TRPM3: variants seen among roughly 807,000 people sequenced by gnomAD.
The protein encoded by TRPM3 is transient receptor potential cation channel subfamily M member 3.
TRPM3 carries 77 observed loss-of-function variants against 181.2 expected under a neutral mutation model. That is an observed-to-expected ratio of 0.42 (90% CI 0.35 to 0.51). The LOEUF (loss-of-function observed/expected upper bound fraction) is 0.51. Ranked by LOEUF, TRPM3 falls within the 20% of genes least tolerant of loss-of-function variation. TRPM3 has a pLI of 0.01. For synonymous variants in TRPM3, 745 were observed against 796.4 expected (o/e 0.94, Z 1.09); for missense variants, 1,759 against 2,196.7 (o/e 0.80, Z 3.98).
At chr9:70,759,127 G>T (rs1384596445) in intron 8 of TRPM3, among the ~76,000 whole-genome samples, 1 of 151,660 alleles carries the variant, frequency 6.6e-6, no homozygotes, top group Non-Finnish European at 1.5e-5. Flanking sequence ...ACTTAAACAC[G>T]TTTACAAGAA....
At chr9:70,604,700 G>A (rs1273496706) in intron 19 of TRPM3, among the ~76,000 whole-genome samples, 2 of 152,298 alleles carry the variant, frequency 1.3e-5, no homozygotes, top group East Asian at 3.9e-4. Flanking sequence ...CTGGAGTGCA[G>A]TGGCATTGTG....
intron 1 of TRPM3, among the ~76,000 whole-genome samples, chr9:71,394,714 C>T (rs1449415917): frequency 6.6e-6 from 1 of 152,110 alleles, no homozygotes; most frequent in South Asian, 2.1e-4. Flanking sequence ...GTAAAGTTTT[C>T]CCTGGTTGAC....
intron 8 of TRPM3, among the ~76,000 whole-genome samples, chr9:70,698,900 T>G (rs759970898): frequency 6.6e-6 from 1 of 151,486 alleles, no homozygotes; most frequent in African/African-American, 2.4e-5. Context: ...CAGAAGCAGA[T>G]GCTGATATGC....
intron 1 of TRPM3, among the ~76,000 whole-genome samples, chr9:70,921,158 G>A (rs916637524): frequency 6.6e-6 from 1 of 152,050 alleles, no homozygotes; most frequent in Admixed American, 6.6e-5. Context: ...ACAAATGACT[G>A]TTCTTCTCTA....
In TRPM3 at chr9:71,271,505, C is replaced by T. The variant is rs903003319; in HGVS notation, c.183+175148G>A. The stretch of plus-strand genomic sequence containing the variant: ...AGGAGGTCGGGTACTCATATAAATC[C>T]CTTTCTCAACCTGTGTGGTGGCTCA... On this transcript the variant is annotated intron_variant, in intron 1 of 24. Transcript: ENST00000357533. Among the ~76,000 whole-genome samples the T allele has an allele frequency of 2.6e-5, 4 of 152,020 alleles. No individual in the cohort carries two copies. The South Asian group carries it at 8.3e-4, about 32-fold the overall frequency.
At chr9:71,000,065 G>T (rs150199918) in intron 1 of TRPM3, among the ~76,000 whole-genome samples, 1 of 152,286 alleles carries the variant, frequency 6.6e-6, no homozygotes, top group African/African-American at 2.4e-5. Flanking sequence ...CCCCTGCAGA[G>T]ACAGCTGACC....
chr9:70,662,942 A>C (rs1564752569), intron 9 of TRPM3, among the ~76,000 whole-genome samples: 2 of 152,198 alleles, frequency 1.3e-5, no homozygotes, highest in African/African-American at 4.8e-5. Context: ...CTACATGCAT[A>C]TATTTATTAC....
intron 1 of TRPM3, among the ~76,000 whole-genome samples, chr9:71,402,734 T>C (rs762262412): frequency 2.6e-5 from 4 of 152,154 alleles, no homozygotes; most frequent in Non-Finnish European, 4.4e-5. Flanking sequence ...AAGTAGTATA[T>C]GCTTATTTTG....
intron 1 of TRPM3, among the ~76,000 whole-genome samples, chr9:70,871,679 G>C (rs550000841): frequency 6.6e-6 from 1 of 152,080 alleles, no homozygotes; most frequent in Admixed American, 6.6e-5. Context: ...TGTCCATATA[G>C]ATCTGCATAA....
intron 5 of TRPM3, among the ~76,000 whole-genome samples, chr9:70,836,528 C>T (rs937215501): frequency 3.9e-5 from 6 of 152,186 alleles, no homozygotes; most frequent in Non-Finnish European, 7.3e-5. Flanking sequence ...AATGGATGGG[C>T]ACTTCCAGGT....
At chr9:71,126,144 A>G (rs1037889288), upstream of TRPM3, among the ~76,000 whole-genome samples, 1 of 152,216 alleles carries the variant, frequency 6.6e-6, no homozygotes, top group African/African-American at 2.4e-5. Context: ...CTGAATAGTG[A>G]TAAATAGAAA....
intron 1 of TRPM3, among the ~76,000 whole-genome samples, chr9:71,053,499 G>A (rs1158527524): frequency 2.0e-5 from 3 of 152,242 alleles, no homozygotes; most frequent in East Asian, 3.9e-4. Context: ...GGCAGAGAAT[G>A]AGTGTCAACC....
At chr9:70,853,554 A>G (rs781767752) in intron 3 of TRPM3, among the ~76,000 whole-genome samples, 13 of 152,248 alleles carry the variant, frequency 8.5e-5, no homozygotes, top group Non-Finnish European at 1.8e-4. Context: ...AGATTTAGGA[A>G]GTACTGGAAG....
intron 1 of TRPM3, among the ~76,000 whole-genome samples, chr9:71,136,021 G>A (rs979863281): frequency 2.0e-5 from 3 of 152,198 alleles, no homozygotes; most frequent in African/African-American, 7.2e-5. Flanking sequence ...TCAATTAGCT[G>A]GATGAATTTA....
At chr9:70,886,749 C>A (rs1355693005) in intron 1 of TRPM3, among the ~76,000 whole-genome samples, 2 of 152,038 alleles carry the variant, frequency 1.3e-5, no homozygotes, top group Admixed American at 6.6e-5. Flanking sequence ...ACTGCAACCT[C>A]CACCTCCCAG....
chr9:70,936,619 A>G (rs1001069390), intron 1 of TRPM3, among the ~76,000 whole-genome samples: 5 of 152,206 alleles, frequency 3.3e-5, no homozygotes, highest in Non-Finnish European at 5.9e-5. Context: ...GATATGGTTC[A>G]GAGAAACTGA....
chr9:71,383,939 G>A (rs941315048), intron 1 of TRPM3, among the ~76,000 whole-genome samples: 2 of 152,162 alleles, frequency 1.3e-5, no homozygotes, highest in African/African-American at 4.8e-5. Flanking sequence ...GTGCTTATAA[G>A]TTAGAGTTTT....
chr9:71,083,797 A>C (rs1398370552), intron 1 of TRPM3, among the ~76,000 whole-genome samples: 1 of 151,190 alleles, frequency 6.6e-6, no homozygotes, highest in Admixed American at 6.6e-5. Context: ...AATATCTCCT[A>C]TGATTCTCAT....
intron 1 of TRPM3, among the ~76,000 whole-genome samples, chr9:71,433,342 A>G (rs1297886725): frequency 6.6e-6 from 1 of 152,176 alleles, no homozygotes; most frequent in African/African-American, 2.4e-5. Context: ...AGTTCTCACA[A>G]GATCTGATGG....
Sources: allele counts gnomAD v4.1 joint callset (sites outside exome capture counted in the v4.1 genomes callset), GRCh38; gene constraint gnomAD v4.1.1; transcripts MANE v1.5; gene names NCBI Gene and HGNC (gene_info 2026-07-23, HGNC 2026-07-21).